Variants in DIS3L2 observed in about 807,000 individuals in gnomAD.
DIS3L2 encodes the protein DIS3-like exonuclease 2.
A neutral mutation model predicts 97.5 loss-of-function variants in DIS3L2; 34 were observed. That is an observed-to-expected ratio of 0.35 (90% CI 0.27 to 0.46). The LOEUF (loss-of-function observed/expected upper bound fraction) is 0.46, where lower values mean the gene tolerates loss of function less well. Ranked by LOEUF, DIS3L2 falls within the 20% of genes least tolerant of loss-of-function variation. The pLI, the probability that DIS3L2 is intolerant of heterozygous loss-of-function variation, is 1.00. For synonymous variants in DIS3L2, 435 were observed against 445.2 expected, an observed-to-expected ratio of 0.98 and a Z score of 0.29; for missense variants, 1,038 against 1,146.0, an observed-to-expected ratio of 0.91 and a Z score of 1.36.
chr2:232,144,499 T>C (rs779095686), intron 8 of DIS3L2, among the ~76,000 whole-genome samples: 5 of 152,142 alleles, frequency 3.3e-5, no homozygotes, highest in Non-Finnish European at 5.9e-5. Flanking sequence ...ATTTTTTATT[T>C]AGATAATTTT....
chr2:232,176,703 C>G (rs1691168122), intron 9 of DIS3L2, among the ~76,000 whole-genome samples: 1 of 151,654 alleles, frequency 6.6e-6, no homozygotes, highest in South Asian at 2.1e-4. Context: ...ATCCTCTTAC[C>G]TCAGCCTACC....
At chr2:232,089,317 G>A (rs1438564456) in intron 6 of DIS3L2, among the ~76,000 whole-genome samples, 1 of 152,190 alleles carries the variant, frequency 6.6e-6, no homozygotes, top group African/African-American at 2.4e-5. Context: ...AGGGTACCCA[G>A]GTTCCTTTTG....
chr2:231,971,862 T>TG, intron 1 of DIS3L2, among the ~76,000 whole-genome samples: 1 of 150,150 alleles, frequency 6.7e-6, no homozygotes, highest in South Asian at 2.2e-4. Flanking sequence ...ATTACAGGTG[T>TG]GAGCCACCAC....
At chr2:232,187,711 G>C (rs1350769056) in intron 9 of DIS3L2, among the ~76,000 whole-genome samples, 1 of 152,104 alleles carries the variant, frequency 6.6e-6, no homozygotes, top group Non-Finnish European at 1.5e-5. Context: ...AAAGTGCTAG[G>C]ATTACAGGCG....
chr2:232,290,371 A>T (rs1018849303), intron 13 of DIS3L2, among the ~76,000 whole-genome samples: 1 of 152,198 alleles, frequency 6.6e-6, no homozygotes, highest in African/African-American at 2.4e-5. Context: ...CTGCTAAAGG[A>T]GACCCTGGGA....
intron 1 of DIS3L2, among the ~76,000 whole-genome samples, chr2:231,998,176 T>G (rs1403896358): frequency 6.6e-6 from 1 of 152,182 alleles, no homozygotes; most frequent in African/African-American, 2.4e-5. Flanking sequence ...TTAAGGAAAT[T>G]TATTTCTCAC....
chr2:232,067,380 T>G (rs1295182423), intron 5 of DIS3L2, among the ~76,000 whole-genome samples: 2 of 152,210 alleles, frequency 1.3e-5, no homozygotes, highest in East Asian at 3.8e-4. Context: ...CTTTGTATTT[T>G]TTTCTTTGAC....
Position 232,086,639 on chromosome 2 carries a change from A to ATGTG in DIS3L2, c.367-847_367-846insGTGT, listed in dbSNP as rs1290322330. On this transcript the variant is annotated intron_variant, in intron 5 of 20. Coordinates refer to ENST00000325385, the MANE Select transcript of DIS3L2 (RefSeq NM_152383.5). The stretch of plus-strand genomic sequence containing the variant: ...TATATATATATATATACACATATAT[A>ATGTG]TATATGTATATATATATATATGTGT... Among the ~76,000 whole-genome samples the ATGTG allele has an allele frequency of 4.9e-4, 25 of 51,200 alleles. 1 individual carries two copies. The highest frequency in any genetic ancestry group is 1.9e-3 in the East Asian group (4 of 2,102). The allele number at this position is 51,200 out of a possible 152,430, so 33.6% of individuals were successfully genotyped here.
intron 5 of DIS3L2, among the ~76,000 whole-genome samples, chr2:232,034,680 T>C (rs891070378): frequency 6.6e-6 from 1 of 152,252 alleles, no homozygotes; most frequent in African/African-American, 2.4e-5. Context: ...TTTGTTCTCA[T>C]TGGTTTCAAA....
At chr2:232,057,328 T>C (rs1695572137) in intron 5 of DIS3L2, among the ~76,000 whole-genome samples, 1 of 152,160 alleles carries the variant, frequency 6.6e-6, no homozygotes, top group African/African-American at 2.4e-5. Context: ...AATTCCATCA[T>C]CTTGAGTGTG....
At chr2:232,072,596 A>G (rs986106991) in intron 5 of DIS3L2, among the ~76,000 whole-genome samples, 1 of 152,106 alleles carries the variant, frequency 6.6e-6, no homozygotes, top group African/African-American at 2.4e-5. Flanking sequence ...TAGAGAACTG[A>G]CATATCACTT....
At chr2:232,262,785 C>T (rs905279127) in intron 12 of DIS3L2, among the ~76,000 whole-genome samples, 1 of 152,162 alleles carries the variant, frequency 6.6e-6, no homozygotes, top group African/African-American at 2.4e-5. Context: ...AGTGGCCCCA[C>T]CTCCCCCTTC....
intron 6 of DIS3L2, among the ~76,000 whole-genome samples, chr2:232,100,734 A>G (rs181155228): frequency 6.6e-6 from 1 of 152,094 alleles, no homozygotes; most frequent in Non-Finnish European, 1.5e-5. Flanking sequence ...TTTATAGTTT[A>G]TGGATAGTTC....
chr2:232,305,436 G>T (rs557751120), intron 14 of DIS3L2, among the ~76,000 whole-genome samples: 1 of 152,068 alleles, frequency 6.6e-6, no homozygotes, highest in African/African-American at 2.4e-5. Flanking sequence ...TTGAAAATCC[G>T]CCTATTACTA....
At chr2:232,254,063 T>C (rs1351951554) in intron 12 of DIS3L2, among the ~76,000 whole-genome samples, 39 of 152,106 alleles carry the variant, frequency 2.6e-4, no homozygotes, top group Admixed American at 2.6e-3. Flanking sequence ...GCTGAAAAAA[T>C]TTTGGACATT....
At chr2:232,201,871 GA>G (rs1245520535) in intron 9 of DIS3L2, among the ~76,000 whole-genome samples, 1 of 152,148 alleles carries the variant, frequency 6.6e-6, no homozygotes, top group East Asian at 1.9e-4. Flanking sequence ...AGCCAATATG[GA>G]AAAATGTTGA....
intron 14 of DIS3L2, 28 bp from the exon 15 acceptor site, chr2:232,329,785 T>TGCCGGGGGGGGGGGGCC: frequency 2.1e-6 from 2 of 967,144 alleles, no homozygotes; most frequent in Non-Finnish European, 1.5e-6. Context: ...ACCCCAGCGG[T>TGCCGGGGGGGGGGGGCC]CCCTCCCATC....
chr2:232,200,480 T>A (rs1407577486), intron 9 of DIS3L2, among the ~76,000 whole-genome samples: 2 of 152,118 alleles, frequency 1.3e-5, no homozygotes, highest in African/African-American at 4.8e-5. Flanking sequence ...GCCACAGGGA[T>A]ATAGAGGCTC....
intron 6 of DIS3L2, among the ~76,000 whole-genome samples, chr2:232,128,311 A>G (rs772893451): frequency 2.4e-4 from 37 of 152,116 alleles, no homozygotes; most frequent in Non-Finnish European, 3.8e-4. Flanking sequence ...ATTAGTCTAT[A>G]GGGCTGGGAT....
Sources: gnomAD v4.1 joint callset for allele counts (sites outside exome capture counted in the v4.1 genomes callset) on GRCh38, gnomAD v4.1.1 for gene constraint, MANE v1.5 for transcripts, NCBI Gene and HGNC (gene_info 2026-07-23, HGNC 2026-07-21) for gene names.